ZNF521: variants seen among roughly 807,000 people sequenced by gnomAD.
ZNF521 encodes LYST-interacting protein 3.
In ZNF521, 14 loss-of-function variants were observed where a neutral mutation model predicts 105.5. The ratio of observed to expected loss-of-function variants is 0.13; its 90% CI spans 0.09 to 0.21. The LOEUF (loss-of-function observed/expected upper bound fraction) is 0.21. Ranked by LOEUF, ZNF521 falls within the 10% of genes least tolerant of loss-of-function variation. ZNF521 has a pLI of 1.00. For missense variants in ZNF521, 1,233 were observed against 1,629.7 expected (o/e 0.76, Z 4.19); for synonymous variants, 635 against 606.0 (o/e 1.05, Z -0.70).
intron 7 of ZNF521, among the ~76,000 whole-genome samples, chr18:25,067,578 AT>A (rs1396698165): frequency 6.6e-6 from 1 of 152,188 alleles, no homozygotes; most frequent in East Asian, 1.9e-4. Flanking sequence ...CAAGAAAAAT[AT>A]TTTTAAGTAA....
At chr18:25,094,196 C>T (rs909536611) in intron 5 of ZNF521, among the ~76,000 whole-genome samples, 39 of 152,074 alleles carry the variant, frequency 2.6e-4, no homozygotes, top group African/African-American at 8.5e-4. Context: ...GTCACATGAG[C>T]ATAAAGTGAA....
chr18:25,227,032 G>A lies in ZNF521; in HGVS notation c.886C>T (p.Leu296Phe). ...CHELFVEETS[L>F]MNHMEQVHSG... ...TGCACCTGCTCCATGTGGTTCATGA[G>A]GGAGGTCTCCTCTACGAAGAGCTCG... The change falls in exon 4 of 8, where the codon CTC becomes TTC. Residue 296 changes from leucine (L) to phenylalanine (F), a missense_variant. By Grantham distance (22) the Leu-to-Phe change is conservative. Coordinates refer to ENST00000361524, the MANE Select transcript of ZNF521 (RefSeq NM_015461.3). The surrounding 1 kb of genome is among the most constrained non-coding windows in gnomAD (Gnocchi z 5.7). 6.2e-7 allele frequency: 1 copy of A among 1,614,152 alleles called. No individual in the cohort carries two copies. The highest frequency in any genetic ancestry group is 1.1e-5 in the South Asian group (1 of 91,074).
chr18:25,070,988 G>T (rs1038388623), intron 7 of ZNF521, among the ~76,000 whole-genome samples: 1 of 152,252 alleles, frequency 6.6e-6, no homozygotes, highest in East Asian at 1.9e-4. Context: ...GACCTGTCTT[G>T]TTATTGACAG....
chr18:25,284,900 G>A (rs1394413942), intron 3 of ZNF521, among the ~76,000 whole-genome samples: 11 of 144,296 alleles, frequency 7.6e-5, no homozygotes, highest in South Asian at 6.4e-4. Context: ...ACTCATGTGC[G>A]TGCGCGCGCG....
intron 7 of ZNF521, among the ~76,000 whole-genome samples, chr18:25,070,609 C>A (rs1045779348): frequency 6.6e-6 from 1 of 152,176 alleles, no homozygotes; most frequent in African/African-American, 2.4e-5. Flanking sequence ...GCACTACTGA[C>A]ATTTGGCGCT....
intron 5 of ZNF521, among the ~76,000 whole-genome samples, chr18:25,110,785 G>C (rs1008575993): frequency 1.3e-5 from 2 of 150,726 alleles, no homozygotes; most frequent in East Asian, 3.9e-4. Context: ...TTTTGAGAGA[G>C]AGTCTTGCTC....
intron 2 of ZNF521, among the ~76,000 whole-genome samples, chr18:25,343,678 A>T (rs1315353258): frequency 2.6e-5 from 4 of 152,202 alleles, no homozygotes; most frequent in Non-Finnish European, 1.5e-5. Context: ...TAAAAATAAG[A>T]TTCAAAATGA....
At position 25,226,272 on chromosome 18, in the gene ZNF521, A is replaced by G; in HGVS notation, c.1646T>C (p.Leu549Pro). 1.2e-6 allele frequency: 2 copies of G among 1,614,196 alleles called. No homozygotes were observed. Among genetic ancestry groups the G allele is most frequent in the Admixed American group, 3.3e-5 (2 of 60,026 alleles). Residue 549 changes from leucine (L) to proline (P), a missense_variant, in exon 4 of 8, where the codon CTT becomes CCT. Coordinates refer to ENST00000361524, the MANE Select transcript of ZNF521 (RefSeq NM_015461.3). This position sits in a 1 kb window ranked among gnomAD's most constrained non-coding sequence, Gnocchi z 4.1. ...TACTACTGGTTCTTTGGGAGTCCCA[A>G]GCACTGGAGACCCAAATCGGGAGCC... ...LSGSRFGSPV[L>P]GTPKEPVVEV...
intron 3 of ZNF521, among the ~76,000 whole-genome samples, chr18:25,286,214 G>A (rs188796771): frequency 3.7e-4 from 57 of 152,266 alleles, no homozygotes; most frequent in Admixed American, 1.4e-3. Context: ...TGAGAGAGTC[G>A]ATAAGGGGAA....
At chr18:25,269,410 G>A (rs2144932520) in intron 3 of ZNF521, among the ~76,000 whole-genome samples, 1 of 152,212 alleles carries the variant, frequency 6.6e-6, no homozygotes, top group Non-Finnish European at 1.5e-5. Context: ...AGACATTCAG[G>A]TCTTGAACTC....
intron 7 of ZNF521, among the ~76,000 whole-genome samples, chr18:25,086,927 A>G (rs2033636415): frequency 6.6e-6 from 1 of 152,212 alleles, no homozygotes; most frequent in Non-Finnish European, 1.5e-5. Context: ...GTGGTCTCCT[A>G]AACACTTATG....
chr18:25,101,765 T>G (rs1191604621), intron 5 of ZNF521, among the ~76,000 whole-genome samples: 2 of 152,144 alleles, frequency 1.3e-5, no homozygotes, highest in African/African-American at 4.8e-5. Flanking sequence ...CTTACAGATT[T>G]GACCCATGTT....
intron 5 of ZNF521, among the ~76,000 whole-genome samples, chr18:25,183,984 T>C (rs2035676776): frequency 6.6e-6 from 1 of 152,180 alleles, no homozygotes; most frequent in African/African-American, 2.4e-5. Context: ...AGATAGGGGA[T>C]GGTATATTTT....
intron 5 of ZNF521, among the ~76,000 whole-genome samples, chr18:25,129,949 T>C (rs1441460203): frequency 6.6e-6 from 1 of 152,178 alleles, no homozygotes; most frequent in South Asian, 2.1e-4. Context: ...AAGCTAAGCA[T>C]AATATTAACA....
rs144368847 is a variant in ZNF521 at position 25,257,305 on chromosome 18, T to G, written c.221-29608A>C. The stretch of plus-strand genomic sequence containing the variant: ...TATTTTTTCAATTTACTTGTCATGA[T>G]GGGCTATTAAGTTTAATATAAATAT... On this transcript the variant is annotated intron_variant, in intron 3 of 7. Transcript: ENST00000361524. Among the ~76,000 whole-genome samples, 484 of 152,330 alleles carry G rather than the reference T, an allele frequency of 3.2e-3. 3 individuals are homozygous for G. Among genetic ancestry groups the G allele is most frequent in the African/African-American group, 0.011 (455 of 41,572 alleles).
At chr18:25,177,100 T>C (rs1424562317) in intron 5 of ZNF521, among the ~76,000 whole-genome samples, 1 of 152,060 alleles carries the variant, frequency 6.6e-6, no homozygotes, top group East Asian at 1.9e-4. Context: ...TTTTTTTTTT[T>C]ACTGCTAGTT....
chr18:25,141,201 G>A (rs1256278817), intron 5 of ZNF521, among the ~76,000 whole-genome samples: 2 of 152,140 alleles, frequency 1.3e-5, no homozygotes, highest in East Asian at 1.9e-4. Flanking sequence ...TTGGACAAAC[G>A]TTTTGACTGA....
intron 4 of ZNF521, among the ~76,000 whole-genome samples, chr18:25,219,742 G>A (rs1389510830): frequency 6.6e-6 from 1 of 152,068 alleles, no homozygotes; most frequent in East Asian, 1.9e-4. Flanking sequence ...ACCTGAGCCT[G>A]GGAGGTTAAG....
At chr18:25,106,100 A>C (rs2034067744) in intron 5 of ZNF521, among the ~76,000 whole-genome samples, 1 of 152,178 alleles carries the variant, frequency 6.6e-6, no homozygotes, top group African/African-American at 2.4e-5. Flanking sequence ...ATGAAGAAAT[A>C]ACCTATTTCA....
Sources: allele counts gnomAD v4.1 joint callset (sites outside exome capture counted in the v4.1 genomes callset), GRCh38; gene constraint gnomAD v4.1.1; non-coding constraint Gnocchi (gnomAD v3.1); transcripts MANE v1.5; gene names NCBI Gene and HGNC (gene_info 2026-07-23, HGNC 2026-07-21).